Variants in ARNT2 observed in about 807,000 individuals in gnomAD.
The protein encoded by ARNT2 is ARNT protein 2.
ARNT2 carries 36 observed loss-of-function variants against 91.7 expected under a neutral mutation model. That is an observed-to-expected ratio of 0.39 (90% CI 0.30 to 0.52). The LOEUF is 0.52. Among genes scored for constraint, ARNT2 ranks in the 20% least tolerant of loss-of-function variants. ARNT2 has a pLI of 0.72. For synonymous variants in ARNT2, 365 were observed against 347.1 expected (o/e 1.05, Z -0.57); for missense variants, 775 against 939.3 (o/e 0.83, Z 2.29).
At chr15:80,567,413 C>T (rs963130330) in intron 12 of ARNT2, among the ~76,000 whole-genome samples, 9 of 152,198 alleles carry the variant, frequency 5.9e-5, no homozygotes, top group African/African-American at 2.2e-4. Context: ...CCAGCCACTC[C>T]AGGCTAAGAC....
intron 15 of ARNT2, among the ~76,000 whole-genome samples, chr15:80,579,551 G>C (rs377390287): frequency 6.6e-6 from 1 of 152,084 alleles, no homozygotes; most frequent in Non-Finnish European, 1.5e-5. Flanking sequence ...TCTGTGATGA[G>C]CCCCATTCTG....
rs1895685311 is a variant in ARNT2 at position 80,411,891 on chromosome 15, C to T, written c.31+7345C>T. ...AGTGGTAGGTTCCGTGTTACAGTCCCACAGGGTCTTCTCAGAAGGGAAGTG... is the reference window on the plus strand; with the variant it reads ...AGTGGTAGGTTCCGTGTTACAGTCCTACAGGGTCTTCTCAGAAGGGAAGTG... On this transcript the variant is annotated intron_variant, in intron 1 of 18. Transcript: ENST00000303329. 2.0e-5 allele frequency among the ~76,000 whole-genome samples: 3 copies of T among 152,200 alleles called. No homozygotes were observed. The South Asian group carries it at 6.2e-4, about 31-fold the overall frequency.
At chr15:80,550,504 C>T (rs1021242999) in intron 8 of ARNT2, among the ~76,000 whole-genome samples, 5 of 152,206 alleles carry the variant, frequency 3.3e-5, no homozygotes, top group African/African-American at 9.6e-5. Context: ...TTCACTACGA[C>T]AGTTCTAACC....
chr15:80,589,325 G>C (rs980033400), intron 17 of ARNT2, among the ~76,000 whole-genome samples: 3 of 152,134 alleles, frequency 2.0e-5, no homozygotes, highest in African/African-American at 7.2e-5. Context: ...GGGTTGAGAA[G>C]GGAGGGAAAG....
chr15:80,460,016 G>A (rs531937347), intron 3 of ARNT2, among the ~76,000 whole-genome samples: 3 of 152,296 alleles, frequency 2.0e-5, no homozygotes, highest in African/African-American at 7.2e-5. Flanking sequence ...TGGAGAATCT[G>A]CTTCCAATTG....
intron 13 of ARNT2, 66 bp downstream of exon 13, chr15:80,574,286 T>C (rs752250373): frequency 4.7e-6 from 7 of 1,491,482 alleles, no homozygotes; most frequent in Non-Finnish European, 6.5e-6. Flanking sequence ...GGGACTCAAT[T>C]CAGCCCTGAG....
At chr15:80,508,877 G>A (rs550105472) in intron 6 of ARNT2, among the ~76,000 whole-genome samples, 113 of 152,294 alleles carry the variant, frequency 7.4e-4, no homozygotes, top group Non-Finnish European at 1.1e-3. Context: ...TTGCCATGTC[G>A]TTGAAGAAGA....
chr15:80,545,833 C>G (rs527557133), intron 8 of ARNT2, among the ~76,000 whole-genome samples: 36 of 152,336 alleles, frequency 2.4e-4, no homozygotes, highest in African/African-American at 8.7e-4. Flanking sequence ...TTAGTAGCAG[C>G]AGCCTGCTCA....
chr15:80,482,308 C>A (rs1324168619), intron 5 of ARNT2, among the ~76,000 whole-genome samples: 1 of 152,158 alleles, frequency 6.6e-6, no homozygotes, highest in Non-Finnish European at 1.5e-5. Flanking sequence ...AATACACTTG[C>A]CCAGGATTGG....
rs1412664054 is a variant in ARNT2, at chr15:80,581,276, C to A, written c.1790C>A (p.Pro597His). 2 of 1,614,030 alleles carry A rather than the reference C, an allele frequency of 1.2e-6. No homozygotes were observed. The highest frequency in any genetic ancestry group is 2.2e-5 in the South Asian group (2 of 91,074). ...PSQSSKTQSSPFGIGTSHTYP... is the reference protein window; with the variant it reads ...PSQSSKTQSSHFGIGTSHTYP... The stretch of plus-strand genomic sequence containing the variant: ...CAGTCCAGCAAGACTCAGTCATCTC[C>A]CTTTGGGATTGGAACGAGCCACACC... The change falls in exon 17 of 19, where the codon CCC becomes CAC. Residue 597 changes from proline to histidine, a missense_variant. Around this residue, in one of 5 missense-constraint regions of ARNT2, gnomAD observed 325 missense variants for 359.9 expected, o/e 0.90. Transcript: ENST00000303329.
chr15:80,502,097 A>G (rs74029844), intron 5 of ARNT2, among the ~76,000 whole-genome samples: 1 of 152,132 alleles, frequency 6.6e-6, no homozygotes, highest in Non-Finnish European at 1.5e-5. Context: ...GGAAGCTCAT[A>G]GCTCTGTACC....
At chr15:80,535,968 G>C (rs956413250) in intron 8 of ARNT2, among the ~76,000 whole-genome samples, 2 of 152,108 alleles carry the variant, frequency 1.3e-5, no homozygotes, top group African/African-American at 4.8e-5. Context: ...ACCTCCTGCT[G>C]GTAGCTGACA....
intron 1 of ARNT2, among the ~76,000 whole-genome samples, chr15:80,442,357 T>C (rs185210316): frequency 5.3e-4 from 80 of 152,202 alleles, no homozygotes; most frequent in Non-Finnish European, 1.1e-3. Flanking sequence ...CCCCACCACA[T>C]GGTATCCAGC....
intron 1 of ARNT2, among the ~76,000 whole-genome samples, chr15:80,432,419 A>G (rs1056262489): frequency 4.6e-5 from 7 of 151,952 alleles, no homozygotes; most frequent in Non-Finnish European, 7.4e-5. Flanking sequence ...AAATTGATGG[A>G]AAAAAAACAC....
rs1477864143 is a variant in ARNT2 at position 80,594,377 on chromosome 15, G to A, written c.*679G>A. The A allele has an allele frequency of 1.3e-5, 2 of 152,362 alleles. No individual in the cohort carries two copies. The highest frequency in any genetic ancestry group is 2.9e-5 in the Non-Finnish European group (2 of 68,156). The allele number at this position is 152,362 out of a possible 1,614,324, so 9.4% of individuals were successfully genotyped here. ...GTATAGAATCCAGAGTATGTAGAGA[G>A]CCAAAATGTGTGGCCCTGTCCCCAA... On this transcript the variant is annotated 3_prime_UTR_variant, in exon 19 of 19. Coordinates refer to ENST00000303329, the MANE Select transcript of ARNT2 (RefSeq NM_014862.4).
At chr15:80,525,263 G>C (rs1336650058) in intron 8 of ARNT2, among the ~76,000 whole-genome samples, 1 of 151,754 alleles carries the variant, frequency 6.6e-6, no homozygotes, top group Non-Finnish European at 1.5e-5. Flanking sequence ...TCAAGATAGA[G>C]GTTCTGGAAA....
chr15:80,472,449 C>A (rs187869518), intron 4 of ARNT2, among the ~76,000 whole-genome samples: 3 of 152,250 alleles, frequency 2.0e-5, no homozygotes, highest in Admixed American at 2.0e-4. Context: ...AGCCGAGACT[C>A]GATTTATGTC....
At chr15:80,575,214 A>C in intron 14 of ARNT2, 104 bp downstream of exon 14, 2 of 1,442,884 alleles carry the variant, frequency 1.4e-6, no homozygotes, top group South Asian at 2.6e-5. Flanking sequence ...ACGGAAGGTG[A>C]GTTTTGAGTA....
chr15:80,503,404 T>G (rs775996828), intron 5 of ARNT2, among the ~76,000 whole-genome samples: 1 of 152,234 alleles, frequency 6.6e-6, no homozygotes, highest in African/African-American at 2.4e-5. Context: ...GCGGCTTCAT[T>G]GTGTCCAAGG....
Sources: gnomAD v4.1 joint callset for allele counts (sites outside exome capture counted in the v4.1 genomes callset) on GRCh38, gnomAD v4.1.1 for gene constraint, gnomAD v4.1.1 regional missense constraint, MANE v1.5 for transcripts, NCBI Gene and HGNC (gene_info 2026-07-23, HGNC 2026-07-21) for gene names.